Variants in SEMA5A observed in about 807,000 individuals in gnomAD.
SEMA5A encodes the protein semaphorin 5A, also known as semaphorin-5A.
A neutral mutation model predicts 135.5 loss-of-function variants in SEMA5A; 55 were observed. The observed-to-expected ratio is 0.41, with a 90% CI of 0.33 to 0.51. SEMA5A has a LOEUF of 0.51. Ranked by LOEUF, SEMA5A falls within the 20% of genes least tolerant of loss-of-function variation. The pLI is 0.37. For synonymous variants in SEMA5A, 580 were observed against 546.5 expected (o/e 1.06, Z -0.85); for missense variants, 1,290 against 1,419.9 (o/e 0.91, Z 1.47).
At chr5:9,100,471 T>C (rs892908436) in intron 16 of SEMA5A, among the ~76,000 whole-genome samples, 8 of 152,098 alleles carry the variant, frequency 5.3e-5, no homozygotes, top group Non-Finnish European at 1.0e-4. Flanking sequence ...CCTCAACCAA[T>C]GGTAGCTGGG....
At chr5:9,172,141 G>T in intron 11 of SEMA5A, among the ~76,000 whole-genome samples, 1 of 152,178 alleles carries the variant, frequency 6.6e-6, no homozygotes, top group East Asian at 1.9e-4. Flanking sequence ...CAGACAAGCT[G>T]CCAGGTGAGT....
chr5:9,081,142 C>A (rs1400192395), intron 16 of SEMA5A, among the ~76,000 whole-genome samples: 1 of 152,100 alleles, frequency 6.6e-6, no homozygotes, highest in Non-Finnish European at 1.5e-5. Flanking sequence ...GCAGGAAATA[C>A]AAGATCTCAG....
At chr5:9,428,364 C>A (rs1757742606) in intron 2 of SEMA5A, among the ~76,000 whole-genome samples, 2 of 152,104 alleles carry the variant, frequency 1.3e-5, no homozygotes. Flanking sequence ...TTAATATGTA[C>A]TCCTTGAAGA....
intron 2 of SEMA5A, among the ~76,000 whole-genome samples, chr5:9,381,981 T>TGTGTGTGTGTGC (rs1411451751): frequency 1.8e-3 from 176 of 99,922 alleles, no homozygotes; most frequent in Admixed American, 3.3e-3. Flanking sequence ...TGTGTGTGTG[T>TGTGTGTGTGTGC]GCGCGCGCGC....
At chr5:9,228,588 G>A (rs1747449994) in intron 6 of SEMA5A, among the ~76,000 whole-genome samples, 1 of 152,232 alleles carries the variant, frequency 6.6e-6, no homozygotes, top group Non-Finnish European at 1.5e-5. Flanking sequence ...GAAGCACTCA[G>A]AAACCAATGT....
intron 7 of SEMA5A, among the ~76,000 whole-genome samples, chr5:9,226,278 G>T (rs1358763138): frequency 6.6e-6 from 1 of 152,212 alleles, no homozygotes; most frequent in Non-Finnish European, 1.5e-5. Flanking sequence ...GAATTAGGAA[G>T]ATTCCACGTG....
At chr5:9,522,007 C>T (rs552844307) in intron 1 of SEMA5A, among the ~76,000 whole-genome samples, 7 of 152,226 alleles carry the variant, frequency 4.6e-5, no homozygotes, top group East Asian at 1.9e-4. Flanking sequence ...GGTCCAAGAC[C>T]GTCCTGGGTT....
intron 2 of SEMA5A, among the ~76,000 whole-genome samples, chr5:9,412,396 G>T (rs575060638): frequency 8.7e-4 from 132 of 151,476 alleles, no homozygotes; most frequent in African/African-American, 3.0e-3. Context: ...TGATTTCCTT[G>T]ATTGACCTAC....
At chr5:9,492,298 T>G (rs917451465) in intron 1 of SEMA5A, among the ~76,000 whole-genome samples, 1 of 152,202 alleles carries the variant, frequency 6.6e-6, no homozygotes, top group Non-Finnish European at 1.5e-5. Flanking sequence ...TTATTGCACC[T>G]TTTTCCAGAA....
chr5:9,167,177 C>T (rs994114537), intron 11 of SEMA5A, among the ~76,000 whole-genome samples: 6 of 152,176 alleles, frequency 3.9e-5, no homozygotes, highest in East Asian at 3.9e-4. Flanking sequence ...ACACCAATTA[C>T]GACTAGTGCC....
intron 1 of SEMA5A, among the ~76,000 whole-genome samples, chr5:9,514,229 A>G (rs1736379505): frequency 6.6e-6 from 1 of 152,144 alleles, no homozygotes; most frequent in Non-Finnish European, 1.5e-5. Context: ...CCCTCTTATA[A>G]GGACTCTCAC....
chr5:9,357,484 T>C (rs1288711287), intron 3 of SEMA5A, among the ~76,000 whole-genome samples: 2 of 152,210 alleles, frequency 1.3e-5, no homozygotes, highest in Non-Finnish European at 2.9e-5. Context: ...TTGCATTAGT[T>C]CTTTTTTCCC....
At chr5:9,293,485 A>G (rs760243291) in intron 5 of SEMA5A, among the ~76,000 whole-genome samples, 13 of 152,332 alleles carry the variant, frequency 8.5e-5, no homozygotes, top group Non-Finnish European at 1.5e-4. Context: ...TGAACATGGA[A>G]TGGTCAACAT....
At chr5:9,197,724 CTGTTTGTGTG>C (rs2150360354) in intron 9 of SEMA5A, among the ~76,000 whole-genome samples, 1 of 72,532 alleles carries the variant, frequency 1.4e-5, no homozygotes, top group African/African-American at 4.8e-5. Flanking sequence ...GCAGGGAAAG[CTGTTTGTGTG>C]TGTGTGTGTG....
chr5:9,343,990 G>C (rs777939826), intron 3 of SEMA5A, among the ~76,000 whole-genome samples: 1 of 152,142 alleles, frequency 6.6e-6, no homozygotes, highest in Non-Finnish European at 1.5e-5. Context: ...TCACACACTT[G>C]TCTGGTGCCA....
intron 4 of SEMA5A, among the ~76,000 whole-genome samples, chr5:9,332,037 C>G (rs1402399568): frequency 5.3e-5 from 8 of 152,182 alleles, no homozygotes; most frequent in Admixed American, 5.2e-4. Context: ...TGGGCTGATA[C>G]TCACATTGGG....
chr5:9,395,157 A>C (rs1449576069), intron 2 of SEMA5A, among the ~76,000 whole-genome samples: 1 of 152,228 alleles, frequency 6.6e-6, no homozygotes, highest in African/African-American at 2.4e-5. Flanking sequence ...CCAGTGAGAC[A>C]GGACTTCAAT....
At chr5:9,330,499 C>G (rs372530063) in intron 4 of SEMA5A, among the ~76,000 whole-genome samples, 1 of 151,736 alleles carries the variant, frequency 6.6e-6, no homozygotes, top group Non-Finnish European at 1.5e-5. Context: ...AAATCTTTCC[C>G]AGGCATGTCA....
intron 5 of SEMA5A, among the ~76,000 whole-genome samples, chr5:9,260,872 T>C (rs1341569768): frequency 5.9e-4 from 49 of 82,674 alleles, no homozygotes; most frequent in African/African-American, 1.9e-3. Context: ...CTATTCAACA[T>C]AGTGTTGGAA....
Sources: allele counts gnomAD v4.1 joint callset (sites outside exome capture counted in the v4.1 genomes callset), GRCh38; gene constraint gnomAD v4.1.1; transcripts MANE v1.5; gene names NCBI Gene and HGNC (gene_info 2026-07-23, HGNC 2026-07-21).